The following MUC5AC variants were observed in gnomAD, a reference collection of about 807,000 sequenced individuals.
MUC5AC encodes the protein mucin 5AC, oligomeric mucus/gel-forming.
Under a neutral mutation model 169.7 loss-of-function variants are expected in MUC5AC, and 158 were observed. The ratio of observed to expected loss-of-function variants is 0.93; its 90% CI spans 0.82 to 1.06. The LOEUF (loss-of-function observed/expected upper bound fraction) is 1.06, where lower values mean the gene tolerates loss of function less well. Among genes scored for constraint, MUC5AC ranks in the 50% least tolerant of loss-of-function variants. The probability of loss-of-function intolerance (pLI) is 0.00; values close to 1 mark genes in which losing one functional copy is unlikely to be tolerated. For synonymous variants in MUC5AC, 1,975 were observed against 1,237.0 expected (o/e 1.60, Z -12.52); for missense variants, 4,359 against 3,089.9 (o/e 1.41, Z -9.74).
intron 11 of MUC5AC, 144 bp from the exon 12 acceptor site, chr11:1,167,733 C>T (rs1321624738): frequency 1.4e-6 from 1 of 713,494 alleles, no homozygotes; most frequent in East Asian, 2.7e-5. Flanking sequence ...TGGGGGCCTC[C>T]TAGCACACCT....
intron 15 of MUC5AC, among the ~76,000 whole-genome samples, chr11:1,171,086 A>G (rs1167053120): frequency 7.7e-6 from 1 of 129,288 alleles, no homozygotes; most frequent in African/African-American, 3.0e-5. Context: ...CCATTCACAC[A>G]CTCACCGACT....
chr11:1,187,338 G>A lies in MUC5AC; in HGVS notation c.9193G>A (p.Gly3065Arg). 1 of 726,624 alleles carries A rather than the reference G, an allele frequency of 1.4e-6. No individual in the cohort carries two copies. Among genetic ancestry groups the A allele is most frequent in the African/African-American group, 1.8e-5 (1 of 55,938 alleles). 45.0% of individuals were successfully genotyped at this position (726,624 alleles called of 1,614,324 possible). A position where few individuals can be genotyped will look rare whatever the true frequency, so the allele number is the denominator to read the frequency against. The change falls in exon 31 of 49, where the codon GGA (glycine) becomes AGA (arginine). Residue 3065 changes from glycine (G) to arginine (R), a missense_variant. Gly to Arg is a moderately radical substitution (Grantham distance 125). Transcript: ENST00000621226. The stretch of plus-strand genomic sequence containing the variant: ...TACCACCAGCATAACTTCTGGTCCT[G>A]GAACTACCCCAAGCCCTGTTCCCAC... ...ASTTSITSGP[G>R]TTPSPVPTTS...
At chr11:1,178,022 C>T (rs954767849) in intron 24 of MUC5AC, among the ~76,000 whole-genome samples, 294 of 152,332 alleles carry the variant, frequency 1.9e-3, no homozygotes, top group African/African-American at 6.8e-3. Flanking sequence ...CGTCTTCACG[C>T]AGCCTCCTCC....
intron 11 of MUC5AC, among the ~76,000 whole-genome samples, chr11:1,166,281 G>C (rs1200508207): frequency 1.8e-4 from 20 of 112,442 alleles, no homozygotes; most frequent in Admixed American, 4.8e-4. Context: ...TACAGTCTCT[G>C]CACGATGAGA....
Position 1,190,560 on chromosome 11 carries a change from T to C in MUC5AC, c.12415T>C (p.Ser4139Pro). Residue 4139 changes from serine (S) to proline (P), a missense_variant, in exon 31 of 49, where the codon TCA becomes CCA. By Grantham distance (74) the Ser-to-Pro change is moderately conservative. Transcript: ENST00000621226. ...CTCTGCCCCTACAACCAGCACGACCTCAGCTCCTACACACAGAACGACTTC... is the reference window on the plus strand; with the variant it reads ...CTCTGCCCCTACAACCAGCACGACCCCAGCTCCTACACACAGAACGACTTC... ...TTSAPTTSTT[S>P]APTHRTTSGP... 1.4e-6 allele frequency: 1 copy of C among 696,400 alleles called. No individual in the cohort carries two copies. The highest frequency in any genetic ancestry group is 2.7e-5 in the East Asian group (1 of 37,194). 43.1% of individuals were successfully genotyped at this position (696,400 alleles called of 1,614,324 possible). A position where few individuals can be genotyped will look rare whatever the true frequency, so the allele number is the denominator to read the frequency against.
intron 15 of MUC5AC, among the ~76,000 whole-genome samples, chr11:1,171,326 CT>C (rs1860520280): frequency 1.5e-5 from 1 of 68,818 alleles, no homozygotes; most frequent in African/African-American, 1.2e-4. Flanking sequence ...AGTCACCTCA[CT>C]CACTCACTCA....
chr11:1,191,522 T>A lies in MUC5AC; in HGVS notation c.13377T>A (p.Ser4459=). 1 of 644,060 alleles carries A rather than the reference T, an allele frequency of 1.6e-6. No homozygotes were observed. Among genetic ancestry groups the A allele is most frequent in the Middle Eastern group, 2.6e-4 (1 of 3,862 alleles). 39.9% of individuals were successfully genotyped at this position (644,060 alleles called of 1,614,324 possible). Residue 4459 remains serine (S), a synonymous_variant, in exon 31 of 49, where the codon TCT becomes TCA. Transcript: ENST00000621226. The part of the protein sequence containing the change: ...TTSASTTSTI[S]LPTTSTTSAP... ...CTGCTTCTACAACCAGCACAATCTC[T>A]CTCCCTACAACCAGCACAACCTCTG...
At position 1,191,850 on chromosome 11, in the gene MUC5AC, C is replaced by G. The variant is rs779171557; in HGVS notation, c.13705C>G (p.Pro4569Ala). The change falls in exon 31 of 49, where the codon CCC becomes GCC. Residue 4569 changes from proline to alanine, a missense_variant. By Grantham distance (27) the Pro-to-Ala change is conservative. Coordinates refer to ENST00000621226, the MANE Select transcript of MUC5AC (RefSeq NM_001304359.2). The part of the protein sequence containing the change: ...TSTTSGPGTT[P>A]SPVPTTSTTS... ...CACAACCTCTGGTCCTGGAACTACTCCCAGCCCTGTTCCCACCACCAGCAC... is the reference window on the plus strand; with the variant it reads ...CACAACCTCTGGTCCTGGAACTACTGCCAGCCCTGTTCCCACCACCAGCAC... 2.6e-6 allele frequency: 2 copies of G among 761,368 alleles called. No individual in the cohort carries two copies. Among genetic ancestry groups the G allele is most frequent in the African/African-American group, 1.7e-5 (1 of 58,588 alleles). The allele number at this position is 761,368 out of a possible 1,614,324, so 47.2% of individuals were successfully genotyped here.
At position 1,174,586 on chromosome 11, in the gene MUC5AC, G is replaced by A; in HGVS notation, c.2056G>A (p.Gly686Ser). Residue 686 changes from glycine (G) to serine (S), a missense_variant, in exon 17 of 49, where the codon GGC becomes AGC. Physicochemically the swap from Gly to Ser is moderately conservative, Grantham distance 56. Coordinates refer to ENST00000621226, the MANE Select transcript of MUC5AC (RefSeq NM_001304359.2). Reference protein sequence around the residue: ...SSYVHACAAKGVQLGGWRDGV... With the variant: ...SSYVHACAAKSVQLGGWRDGV... ...CTACGTGCACGCCTGTGCCGCCAAG[G>A]GCGTGCAGCTCGGCGGCTGGAGGGA... is the stretch of plus-strand genomic sequence containing the variant. 2 of 1,468,978 alleles carry A rather than the reference G, an allele frequency of 1.4e-6. No homozygotes were observed. Among genetic ancestry groups the A allele is most frequent in the Non-Finnish European group, 1.9e-6 (2 of 1,079,702 alleles). The allele number at this position is 1,468,978 out of a possible 1,614,324, so 91.0% of individuals were successfully genotyped here.
chr11:1,192,994 C>A lies in MUC5AC; in HGVS notation c.14580+12C>A, dbSNP rs1861163750. On this transcript the variant is annotated intron_variant, in intron 32 of 48. Transcript: ENST00000621226. Reference sequence around the variant, plus strand: ...TTCCCCCCAGAAAGGTAACCCCCTACTTCTCACCCTTCTGAAGGCTCAGGG... The same window carrying A: ...TTCCCCCCAGAAAGGTAACCCCCTAATTCTCACCCTTCTGAAGGCTCAGGG... 2 of 683,660 alleles carry A rather than the reference C, an allele frequency of 2.9e-6. No homozygotes were observed. Among genetic ancestry groups the A allele is most frequent in the Admixed American group, 4.1e-5 (2 of 49,364 alleles). 42.3% of individuals were successfully genotyped at this position (683,660 alleles called of 1,614,324 possible). A position where few individuals can be genotyped will look rare whatever the true frequency, so the allele number is the denominator to read the frequency against.
chr11:1,168,743 A>G lies in MUC5AC; in HGVS notation c.1669A>G (p.Met557Val), dbSNP rs754701323. 7 of 1,608,194 alleles carry G rather than the reference A, an allele frequency of 4.4e-6. No individual in the cohort carries two copies. The highest frequency in any genetic ancestry group is 1.7e-5 in the Admixed American group (1 of 59,904). ...LQLVPTMQLF[M>V]QLAPKLRGQT... The stretch of plus-strand genomic sequence containing the variant: ...GCTGGTGCCCACCATGCAGCTGTTC[A>G]TGCAGCTGGCGCCCAAGCTCCGTGG... The change falls in exon 14 of 49, where the codon ATG (methionine) becomes GTG (valine). Residue 557 changes from methionine to valine, a missense_variant. Transcript: ENST00000621226.
At position 1,164,463 on chromosome 11, in the gene MUC5AC, A is replaced by C. The variant is rs1860243133; in HGVS notation, c.1060A>C (p.Thr354Pro). 1.2e-6 allele frequency: 2 copies of C among 1,611,876 alleles called. No homozygotes were observed. Among genetic ancestry groups the C allele is most frequent in the Non-Finnish European group, 1.7e-6 (2 of 1,179,578 alleles). Reference protein sequence around the residue: ...YHECRSPCADTCSNQEHSRAC... With the variant: ...YHECRSPCADPCSNQEHSRAC... ...CGAGTGCCGCTCCCCCTGCGCAGACACCTGCTCCAACCAGGAGCACTCCCG... is the reference window on the plus strand; with the variant it reads ...CGAGTGCCGCTCCCCCTGCGCAGACCCCTGCTCCAACCAGGAGCACTCCCG... The change falls in exon 9 of 49, where the codon ACC (threonine) becomes CCC (proline). Residue 354 changes from threonine (T) to proline (P), a missense_variant. Thr to Pro is a conservative substitution (Grantham distance 38). Coordinates refer to ENST00000621226, the MANE Select transcript of MUC5AC (RefSeq NM_001304359.2).
intron 6 of MUC5AC, 149 bp from the exon 7 acceptor site, chr11:1,163,733 G>T: frequency 1.5e-6 from 1 of 652,576 alleles, no homozygotes; most frequent in South Asian, 1.9e-5. Context: ...GTGCAGTCAG[G>T]ACAACTCAGG....
intron 1 of MUC5AC, among the ~76,000 whole-genome samples, chr11:1,160,288 G>A (rs567942973): frequency 6.6e-6 from 1 of 152,218 alleles, no homozygotes; most frequent in Admixed American, 6.5e-5. Flanking sequence ...GTGGCAGCGT[G>A]GGGGCCAGGG....
chr11:1,190,986 A>G lies in MUC5AC; in HGVS notation c.12841A>G (p.Thr4281Ala). ...TSTTSAPTTR[T>A]TSAPTSSMTS... ...CACAACCTCTGCTCCTACAACCAGA[A>G]CAACATCTGCTCCTACAAGCAGCAT... is the stretch of plus-strand genomic sequence containing the variant. The change falls in exon 31 of 49, where the codon ACA becomes GCA. Residue 4281 changes from threonine to alanine, a missense_variant. Thr to Ala is a moderately conservative substitution (Grantham distance 58). Transcript: ENST00000621226. 1.3e-6 allele frequency: 1 copy of G among 746,672 alleles called. No individual in the cohort carries two copies. The highest frequency in any genetic ancestry group is 2.5e-5 in the East Asian group (1 of 40,506). 46.3% of individuals were successfully genotyped at this position (746,672 alleles called of 1,614,324 possible). A position where few individuals can be genotyped will look rare whatever the true frequency, so the allele number is the denominator to read the frequency against.
At chr11:1,200,208 C>T (rs1041496663) in intron 48 of MUC5AC, among the ~76,000 whole-genome samples, 1 of 152,220 alleles carries the variant, frequency 6.6e-6, no homozygotes, top group Non-Finnish European at 1.5e-5. Context: ...AGGAACTTGC[C>T]GCAGCCGCCC....
At chr11:1,171,933 A>AC (rs1590139448) in intron 15 of MUC5AC, among the ~76,000 whole-genome samples, 12,979 of 119,952 alleles carry the variant, frequency 0.11, 652 homozygotes, top group South Asian at 0.18. Flanking sequence ...TCACTCACTC[A>AC]TCCACTCATT....
At position 1,200,630 on chromosome 11, in the gene MUC5AC, G is replaced by A. The variant is rs781524623; in HGVS notation, c.16893G>A (p.Ala5631=). The change falls in exon 49 of 49, where the codon GCG becomes GCA. Residue 5631 remains alanine, a synonymous_variant. Transcript: ENST00000621226. The part of the protein sequence containing the change: ...APGDTQHSEE[A]EPEPSQEAES... Reference sequence around the variant, plus strand: ...GCGACACCCAGCACTCGGAGGAGGCGGAACCCGAGCCCAGCCAGGAGGCAG... The same window carrying A: ...GCGACACCCAGCACTCGGAGGAGGCAGAACCCGAGCCCAGCCAGGAGGCAG... 13 of 763,882 alleles carry A rather than the reference G, an allele frequency of 1.7e-5. 1 individual carries two copies. Among genetic ancestry groups the A allele is most frequent in the Middle Eastern group, 2.2e-4 (1 of 4,452 alleles). 47.3% of individuals were successfully genotyped at this position (763,882 alleles called of 1,614,324 possible).
At chr11:1,166,562 A>C (rs1396664231) in intron 11 of MUC5AC, among the ~76,000 whole-genome samples, 6 of 76,706 alleles carry the variant, frequency 7.8e-5, no homozygotes, top group Non-Finnish European at 7.7e-5. Flanking sequence ...AGTCTCCCCA[A>C]GATGAGACCC....
Sources: gnomAD v4.1 joint callset for allele counts (sites outside exome capture counted in the v4.1 genomes callset) on GRCh38, gnomAD v4.1.1 for gene constraint, MANE v1.5 for transcripts, NCBI Gene and HGNC (gene_info 2026-07-23, HGNC 2026-07-21) for gene names.